The following PABPC4 variants were observed in gnomAD, a reference collection of about 807,000 sequenced individuals.
PABPC4 encodes poly(A) binding protein cytoplasmic 4, also known as polyadenylate-binding protein 4.
PABPC4 carries 15 observed loss-of-function variants against 74.5 expected under a neutral mutation model. That is an observed-to-expected ratio of 0.20 (90% CI 0.13 to 0.31). The LOEUF (loss-of-function observed/expected upper bound fraction) is 0.31, where lower values mean the gene tolerates loss of function less well. Among genes scored for constraint, PABPC4 ranks in the 10% least tolerant of loss-of-function variants. PABPC4 has a pLI of 1.00. For missense variants in PABPC4, 610 were observed against 853.5 expected, an observed-to-expected ratio of 0.71 and a Z score of 3.55; for synonymous variants, 345 against 303.0, an observed-to-expected ratio of 1.14 and a Z score of -1.44.
chr1:39,563,941 T>C lies in PABPC4; in HGVS notation c.1454-19A>G. The C allele has an allele frequency of 6.2e-7, 1 of 1,611,546 alleles. No homozygotes were observed. Among genetic ancestry groups the C allele is most frequent in the Non-Finnish European group, 8.5e-7 (1 of 1,177,966 alleles). On this transcript the variant is annotated intron_variant, in intron 10 of 15. Transcript: ENST00000372858. The stretch of plus-strand genomic sequence containing the variant: ...TCAGACCCTACAACAGACCAGCAAA[T>C]GCACATCAGTGTTGGCGGCAGATGT...
At chr1:39,561,956 G>T in intron 14 of PABPC4, 117 bp downstream of exon 14, 1 of 1,274,832 alleles carries the variant, frequency 7.8e-7, no homozygotes, top group Non-Finnish European at 1.1e-6. Context: ...GTCAAGGCAT[G>T]ACGAGAGGGG....
Position 39,561,128 on chromosome 1 carries a change from A to C in PABPC4, c.*14-6T>G. The C allele has an allele frequency of 2.1e-6, 1 of 471,096 alleles. No homozygotes were observed. Among genetic ancestry groups the C allele is most frequent in the Non-Finnish European group, 4.4e-6 (1 of 226,994 alleles). 29.2% of individuals were successfully genotyped at this position (471,096 alleles called of 1,614,324 possible). A position where few individuals can be genotyped will look rare whatever the true frequency, so the allele number is the denominator to read the frequency against. On this transcript the variant is annotated splice_polypyrimidine_tract_variant and splice_region_variant and intron_variant, in intron 15 of 15. Coordinates refer to ENST00000372858, the MANE Select transcript of PABPC4 (RefSeq NM_001135653.2). The stretch of plus-strand genomic sequence containing the variant: ...GGTTATTTGGCTTTTGAATCCTGTA[A>C]AGAAAAGCACCAACACAAATAAATG...
At chr1:39,567,465 C>G (rs188696050) in intron 7 of PABPC4, 1 of 563,206 alleles carries the variant, frequency 1.8e-6, no homozygotes, top group African/African-American at 1.9e-5. Context: ...CCATCTGTCC[C>G]CACACCGGCA....
chr1:39,567,654 T>C, intron 7 of PABPC4, 97 bp downstream of exon 7: 1 of 745,510 alleles, frequency 1.3e-6, no homozygotes, highest in South Asian at 1.5e-5. Context: ...CTTTCAGAAA[T>C]GAACATAATT....
In PABPC4 at chr1:39,565,282, T is replaced by C. The variant is rs1458961794; in HGVS notation, c.1069A>G (p.Ile357Val). ...TKAVTEMNGR[I>V]VGSKPLYVAL... The stretch of plus-strand genomic sequence containing the variant: ...ACATATAGTGGCTTGGAGCCCACAA[T>C]GCGTCCATTCATCTCAGTGACTGCT... The change falls in exon 8 of 16, where the codon ATT (isoleucine) becomes GTT (valine). Residue 357 changes from isoleucine (I) to valine (V), a missense_variant. By Grantham distance (29) the Ile-to-Val change is conservative (BLOSUM62 3). Transcript: ENST00000372858. 3 of 1,614,228 alleles carry C rather than the reference T, an allele frequency of 1.9e-6. No homozygotes were observed. Among genetic ancestry groups the C allele is most frequent in the Non-Finnish European group, 1.7e-6 (2 of 1,180,050 alleles).
At position 39,566,062 on chromosome 1, in the gene PABPC4, G is replaced by A. The variant is rs529634079; in HGVS notation, c.973-684C>T. Among the ~76,000 whole-genome samples the A allele has an allele frequency of 1.6e-4, 25 of 152,238 alleles. No individual in the cohort carries two copies. In the South Asian group the frequency reaches 5.2e-3, roughly 32 times the overall value. On this transcript the variant is annotated intron_variant, in intron 7 of 15. Coordinates refer to ENST00000372858, the MANE Select transcript of PABPC4 (RefSeq NM_001135653.2). ...TAAGTCACAACCTCTAAGGTATCTA[G>A]GTGTTTTCTTTGAGTCCCCAGGTGA...
intron 1 of PABPC4, 48 bp downstream of exon 1, chr1:39,575,711 C>T: frequency 6.9e-7 from 1 of 1,449,740 alleles, no homozygotes. Flanking sequence ...AGACGACTCC[C>T]GGGGTCCTCC....
chr1:39,566,117 C>CTAA (rs893375230), intron 7 of PABPC4, among the ~76,000 whole-genome samples: 17 of 152,082 alleles, frequency 1.1e-4, no homozygotes, highest in African/African-American at 3.4e-4. Flanking sequence ...TATGATATGG[C>CTAA]TAATAATAAA....
At chr1:39,574,185 G>T (rs113729122) in intron 1 of PABPC4, among the ~76,000 whole-genome samples, 1 of 152,216 alleles carries the variant, frequency 6.6e-6, no homozygotes, top group African/African-American at 2.4e-5. Context: ...ATCTGTGTGG[G>T]GGGTAGTTGG....
At chr1:39,566,202 G>A (rs1307480985) in intron 7 of PABPC4, among the ~76,000 whole-genome samples, 15 of 152,182 alleles carry the variant, frequency 9.9e-5, no homozygotes, top group Admixed American at 9.8e-4. Context: ...CTTGAGAGTA[G>A]TACTGAGCAA....
rs1443233391 is a variant in PABPC4 at position 39,564,516 on chromosome 1, G to A, written c.1360C>T (p.Arg454Cys). ...QGFQGMPSAIRQSGPRPTLRH... is the reference protein window; with the variant it reads ...QGFQGMPSAICQSGPRPTLRH... ...AGAGTTGGACGAGGCCCAGACTGGC[G>A]TATAGCACTTGGCATTCCTTGGAAG... Residue 454 changes from arginine (R) to cysteine (C), a missense_variant, in exon 10 of 16, where the codon CGC becomes TGC. By Grantham distance (180) the Arg-to-Cys change is radical (BLOSUM62 -3). Transcript: ENST00000372858. 8 of 1,614,168 alleles carry A rather than the reference G, an allele frequency of 5.0e-6. No individual in the cohort carries two copies. Among genetic ancestry groups the A allele is most frequent in the African/African-American group, 2.7e-5 (2 of 75,040 alleles).
chr1:39,575,925 G>C lies in PABPC4; in HGVS notation c.27C>G (p.Pro9=). The C allele has an allele frequency of 6.2e-7, 1 of 1,604,682 alleles. No individual in the cohort carries two copies. The highest frequency in any genetic ancestry group is 1.1e-5 in the South Asian group (1 of 90,544). Residue 9 remains proline (P), a synonymous_variant, in exon 1 of 16, where the codon CCC becomes CCG. Transcript: ENST00000372858. The part of the protein sequence containing the change: MNAAASSY[P]MASLYVGDLH... ...GGTCGCCCACGTACAGGGAGGCCAT[G>C]GGGTAGCTGCTGGCCGCAGCGTTCA...
At chr1:39,569,364 C>T in intron 5 of PABPC4, 1 of 571,150 alleles carries the variant, frequency 1.8e-6, no homozygotes, top group Non-Finnish European at 3.1e-6. Context: ...AACGTCTGTC[C>T]TATTCTTTCA....
chr1:39,563,808 T>C, intron 11 of PABPC4, 28 bp downstream of exon 11: 1 of 1,614,014 alleles, frequency 6.2e-7, no homozygotes, highest in Non-Finnish European at 8.5e-7. Flanking sequence ...ATCCCATCTT[T>C]CCCCCTTCTG....
chr1:39,564,326 TA>T (rs2124442362), intron 10 of PABPC4, 96 bp downstream of exon 10: 1 of 1,415,988 alleles, frequency 7.1e-7, no homozygotes, highest in South Asian at 1.3e-5. Flanking sequence ...CAGGACTCGA[TA>T]AATTCGAGCC....
At position 39,565,287 on chromosome 1, in the gene PABPC4, C is replaced by G. The variant is rs768413669; in HGVS notation, c.1064G>C (p.Gly355Ala). 6.2e-7 allele frequency: 1 copy of G among 1,614,190 alleles called. No homozygotes were observed. Among genetic ancestry groups the G allele is most frequent in the Non-Finnish European group, 8.5e-7 (1 of 1,180,042 alleles). The change falls in exon 8 of 16, where the codon GGA (glycine) becomes GCA (alanine). Residue 355 changes from glycine to alanine, a missense_variant. Around this residue, in one of 4 missense-constraint regions of PABPC4, gnomAD observed 304 missense variants for 478.9 expected, o/e 0.63. Coordinates refer to ENST00000372858, the MANE Select transcript of PABPC4 (RefSeq NM_001135653.2). ...TAGTGGCTTGGAGCCCACAATGCGT[C>G]CATTCATCTCAGTGACTGCTTTGGT... ...EATKAVTEMN[G>A]RIVGSKPLYV...
chr1:39,565,151 C>T lies in PABPC4; in HGVS notation c.1200G>A (p.Gln400=), dbSNP rs12127094. The T allele has an allele frequency of 0.08, 128,370 of 1,614,048 alleles. 5,930 individuals are homozygous for T. Among genetic ancestry groups the T allele is most frequent in the Non-Finnish European group, 0.094 (110,513 of 1,179,930 alleles). ...AGTAGCCACCCGCTGCAGGCTGGAACTGATTTAAGATGGCATTGGCAGGAA... is the reference window on the plus strand; with the variant it reads ...AGTAGCCACCCGCTGCAGGCTGGAATTGATTTAAGATGGCATTGGCAGGAA... The part of the protein sequence containing the change: ...RALPANAILN[Q]FQPAAGGYFV... Residue 400 remains glutamine (Q), a synonymous_variant, in exon 8 of 16, where the codon CAG becomes CAA. Coordinates refer to ENST00000372858, the MANE Select transcript of PABPC4 (RefSeq NM_001135653.2).
chr1:39,569,525 CTAG>C (rs1400584992), intron 5 of PABPC4, 67 bp downstream of exon 5: 15 of 1,080,836 alleles, frequency 1.4e-5, no homozygotes, highest in Non-Finnish European at 1.9e-5. Flanking sequence ...TAGGTAGGTG[CTAG>C]CAAGACCCTA....
rs754020702 is a variant in PABPC4, at chr1:39,575,958, G to A, written c.-7C>T. The A allele has an allele frequency of 1.9e-5, 29 of 1,528,296 alleles. No homozygotes were observed. The highest frequency in any genetic ancestry group is 2.0e-5 in the Non-Finnish European group (23 of 1,126,338). The allele number at this position is 1,528,296 out of a possible 1,614,324, so 94.7% of individuals were successfully genotyped here. A position where few individuals can be genotyped will look rare whatever the true frequency, so the allele number is the denominator to read the frequency against. Reference sequence around the variant, plus strand: ...TGCTGGCCGCAGCGTTCATCTCCCCGCCCCCCACCACCCCGAGCCCCGCCA... The same window carrying A: ...TGCTGGCCGCAGCGTTCATCTCCCCACCCCCCACCACCCCGAGCCCCGCCA... On this transcript the variant is annotated 5_prime_UTR_variant, in exon 1 of 16. Coordinates refer to ENST00000372858, the MANE Select transcript of PABPC4 (RefSeq NM_001135653.2).
Sources: allele counts gnomAD v4.1 joint callset (sites outside exome capture counted in the v4.1 genomes callset), GRCh38; gene constraint gnomAD v4.1.1; regional missense constraint gnomAD v4.1.1; transcripts MANE v1.5; gene names NCBI Gene and HGNC (gene_info 2026-07-23, HGNC 2026-07-21).